The following PCDHA6 variants were observed in gnomAD, a reference collection of about 807,000 sequenced individuals.
The protein encoded by PCDHA6 is protocadherin alpha 6.
A neutral mutation model predicts 60.3 loss-of-function variants in PCDHA6; 55 were observed. That is an observed-to-expected ratio of 0.91 (90% confidence interval 0.73 to 1.14). The LOEUF is 1.14. Ranked by LOEUF, PCDHA6 falls within the 50% of genes most tolerant of loss-of-function variation. PCDHA6 has a pLI of 0.00. For synonymous variants in PCDHA6, 652 were observed against 557.9 expected, an observed-to-expected ratio of 1.17 and a Z score of -2.38; for missense variants, 1,327 against 1,256.5, an observed-to-expected ratio of 1.06 and a Z score of -0.85.
At chr5:140,891,136 G>A (rs541876133) in intron 1 of PCDHA6, among the ~76,000 whole-genome samples, 1 of 152,068 alleles carries the variant, frequency 6.6e-6, no homozygotes, top group Non-Finnish European at 1.5e-5. Context: ...TTCCTTTAAA[G>A]GTATTCTGTT....
rs369562052 is a variant in PCDHA6, at chr5:140,877,058, A to G, written c.2394+46573A>G. On this transcript the variant is annotated intron_variant, in intron 1 of 3. Transcript: ENST00000529310. Reference sequence around the variant, plus strand: ...CAGCCGCTAGACCACGAGGAGCTGGAGCTGCTGCAGTTCCAGGTGAGCGCG... The same window carrying G: ...CAGCCGCTAGACCACGAGGAGCTGGGGCTGCTGCAGTTCCAGGTGAGCGCG... The G allele has an allele frequency of 1.9e-6, 3 of 1,612,726 alleles. No homozygotes were observed. The African/African-American group carries it at 4.0e-5, about 22-fold the overall frequency.
chr5:141,006,992 A>C (rs1187318452), intron 3 of PCDHA6, among the ~76,000 whole-genome samples: 3 of 152,196 alleles, frequency 2.0e-5, no homozygotes, highest in Non-Finnish European at 2.9e-5. Flanking sequence ...GGCTTAAAAT[A>C]TAAGTCTGCA....
Position 140,830,416 on chromosome 5 carries a change from C to A in PCDHA6, c.2325C>A (p.Ser775Arg). Residue 775 changes from serine (S) to arginine (R), a missense_variant, in exon 1 of 4, where the codon AGC (serine) becomes AGA (arginine). Ser to Arg is a moderately radical substitution (Grantham distance 110, BLOSUM62 -1). Coordinates refer to ENST00000529310, the MANE Select transcript of PCDHA6 (RefSeq NM_018909.4). ...TGGATCTCATGGCCTTTAGCCCCAGCCTTTCACCTTGTCCTATTATGATGG... is the reference window on the plus strand; with the variant it reads ...TGGATCTCATGGCCTTTAGCCCCAGACTTTCACCTTGTCCTATTATGATGG... Reference protein sequence around the residue: ...PKMDLMAFSPSLSPCPIMMGK... With the variant: ...PKMDLMAFSPRLSPCPIMMGK... 3 of 1,614,014 alleles carry A rather than the reference C, an allele frequency of 1.9e-6. No individual in the cohort carries two copies. The highest frequency in any genetic ancestry group is 1.7e-6 in the Non-Finnish European group (2 of 1,179,892).
intron 1 of PCDHA6, among the ~76,000 whole-genome samples, chr5:140,944,481 T>C (rs1441639137): frequency 1.3e-5 from 2 of 152,106 alleles, no homozygotes; most frequent in Admixed American, 6.5e-5. Flanking sequence ...GGCACTGGAC[T>C]GAGGCTTCTT....
intron 1 of PCDHA6, chr5:140,851,422 A>C (rs1554145396): frequency 1.1e-6 from 1 of 948,550 alleles, no homozygotes; most frequent in Non-Finnish European, 1.3e-6. Flanking sequence ...ACTTCCCCTA[A>C]ACTTTAGAAA....
chr5:140,887,972 A>C (rs1169769147), intron 1 of PCDHA6, among the ~76,000 whole-genome samples: 1 of 152,114 alleles, frequency 6.6e-6, no homozygotes, highest in Non-Finnish European at 1.5e-5. Context: ...TCTCTTTTAA[A>C]ATTTATTTTA....
Position 140,830,160 on chromosome 5 carries a change from A to T in PCDHA6, c.2069A>T (p.Glu690Val). 6.2e-7 allele frequency: 1 copy of T among 1,613,422 alleles called. No individual in the cohort carries two copies. Among genetic ancestry groups the T allele is most frequent in the Non-Finnish European group, 8.5e-7 (1 of 1,179,864 alleles). The change falls in exon 1 of 4, where the codon GAG becomes GTG. Residue 690 changes from glutamate to valine, a missense_variant. Glu to Val is a moderately radical substitution (Grantham distance 121). Transcript: ENST00000529310. ...SRASVGAAGP[E>V]AALVDVNVYL... ...GCGTCGGTGGGCGCCGCGGGCCCAGAGGCGGCGCTGGTGGATGTCAACGTG... is the reference window on the plus strand; with the variant it reads ...GCGTCGGTGGGCGCCGCGGGCCCAGTGGCGGCGCTGGTGGATGTCAACGTG...
chr5:140,906,438 G>T (rs1264031299), intron 1 of PCDHA6, among the ~76,000 whole-genome samples: 1 of 152,016 alleles, frequency 6.6e-6, no homozygotes, highest in Non-Finnish European at 1.5e-5. Context: ...TGATAAACAA[G>T]AAAGGAAATA....
At chr5:140,946,345 G>A (rs1292610586) in intron 1 of PCDHA6, among the ~76,000 whole-genome samples, 1 of 151,836 alleles carries the variant, frequency 6.6e-6, no homozygotes, top group Non-Finnish European at 1.5e-5. Flanking sequence ...GTGATGGAGA[G>A]GATGTGGAGA....
intron 1 of PCDHA6, among the ~76,000 whole-genome samples, chr5:140,935,464 G>A (rs2090388076): frequency 6.6e-6 from 1 of 152,146 alleles, no homozygotes; most frequent in Admixed American, 6.5e-5. Context: ...AGCAGTTTAA[G>A]TTTTTGTCAT....
At chr5:140,998,122 A>G (rs2097797315) in intron 3 of PCDHA6, among the ~76,000 whole-genome samples, 1 of 152,214 alleles carries the variant, frequency 6.6e-6, no homozygotes, top group Admixed American at 6.5e-5. Flanking sequence ...TTACTTGTGA[A>G]TCATAATAGC....
At chr5:140,848,275 T>G in intron 1 of PCDHA6, 2 of 545,056 alleles carry the variant, frequency 3.7e-6, no homozygotes, top group Non-Finnish European at 3.2e-6. Flanking sequence ...TCATGAAATA[T>G]GTACTTACAC....
intron 1 of PCDHA6, chr5:140,849,308 A>C (rs1224094157): frequency 7.7e-7 from 1 of 1,299,604 alleles, no homozygotes; most frequent in Admixed American, 2.3e-5. Flanking sequence ...ATTTAGACGA[A>C]GGCTTGAATG....
chr5:140,906,669 A>G (rs2153496058), intron 1 of PCDHA6, among the ~76,000 whole-genome samples: 1 of 152,302 alleles, frequency 6.6e-6, no homozygotes. Context: ...GTAGTGACCC[A>G]AACCTTCATT....
intron 1 of PCDHA6, among the ~76,000 whole-genome samples, chr5:140,955,464 T>C (rs563782102): frequency 2.0e-5 from 3 of 152,218 alleles, no homozygotes; most frequent in South Asian, 2.1e-4. Context: ...TTTTTCCTTT[T>C]TGCTTGGCAC....
chr5:140,965,029 A>G (rs1252337885), intron 1 of PCDHA6, among the ~76,000 whole-genome samples: 2 of 152,178 alleles, frequency 1.3e-5, no homozygotes, highest in Non-Finnish European at 2.9e-5. Context: ...GGCTCCTTTA[A>G]CTGTCCGCTC....
chr5:140,920,403 T>A (rs1440027208), intron 1 of PCDHA6, among the ~76,000 whole-genome samples: 3 of 152,356 alleles, frequency 2.0e-5, no homozygotes, highest in South Asian at 2.1e-4. Context: ...TGTCTTTTTT[T>A]AATCAGATAC....
chr5:140,884,350 G>A, intron 1 of PCDHA6: 1 of 1,613,918 alleles, frequency 6.2e-7, no homozygotes, highest in South Asian at 1.1e-5. Flanking sequence ...CGGCGCTGGT[G>A]GATGTCAATG....
chr5:140,866,148 A>G (rs1031440226), intron 1 of PCDHA6: 4 of 152,180 alleles, frequency 2.6e-5, no homozygotes, highest in South Asian at 4.1e-4. Flanking sequence ...TGGAAGTGAT[A>G]TAAGTAAGAA....
Sources: allele counts gnomAD v4.1 joint callset (sites outside exome capture counted in the v4.1 genomes callset), GRCh38; gene constraint gnomAD v4.1.1; transcripts MANE v1.5; gene names NCBI Gene and HGNC (gene_info 2026-07-23, HGNC 2026-07-21).